TAFA2: variants seen among roughly 807,000 people sequenced by gnomAD.
The protein encoded by TAFA2 is chemokine-like protein TAFA-2.
Under a neutral mutation model 18.8 loss-of-function variants are expected in TAFA2, and 7 were observed. The observed-to-expected ratio is 0.37, with a 90% CI of 0.21 to 0.70. The LOEUF is 0.70. Among genes scored for constraint, TAFA2 ranks in the 30% least tolerant of loss-of-function variants. The pLI is 0.53. For missense variants in TAFA2, 122 were observed against 158.1 expected (o/e 0.77, Z 1.23); for synonymous variants, 60 against 54.2 (o/e 1.11, Z -0.47).
rs139533654 is a variant in TAFA2, at chr12:61,763,721, C to T, written c.107-8697G>A. ...GTCAGGTAACCCACAGAAAGCTTCG[C>T]GCATGCCTCACGGTAAAGAGGGATG... On this transcript the variant is annotated intron_variant, in intron 2 of 4. Coordinates refer to ENST00000416284, the MANE Select transcript of TAFA2 (RefSeq NM_178539.5). Among the ~76,000 whole-genome samples the T allele has an allele frequency of 5.8e-3, 886 of 151,850 alleles. 6 individuals are homozygous for T. The highest frequency in any genetic ancestry group is 0.02 in the African/African-American group (814 of 41,438).
At chr12:62,092,431 C>T (rs1868755670) in intron 1 of TAFA2, among the ~76,000 whole-genome samples, 1 of 151,934 alleles carries the variant, frequency 6.6e-6, no homozygotes, top group Non-Finnish European at 1.5e-5. Flanking sequence ...CCTGCCAAAA[C>T]CATTCCTATC....
chr12:62,108,146 C>T (rs28714406), intron 1 of TAFA2, among the ~76,000 whole-genome samples: 1 of 151,946 alleles, frequency 6.6e-6, no homozygotes, highest in African/African-American at 2.4e-5. Context: ...TAGTCCCCCA[C>T]CCCCCAACAG....
intron 1 of TAFA2, among the ~76,000 whole-genome samples, chr12:62,199,456 G>T (rs1026012902): frequency 6.6e-6 from 1 of 152,044 alleles, no homozygotes; most frequent in Non-Finnish European, 1.5e-5. Flanking sequence ...GAGAACATGC[G>T]GTGTTTGGTG....
intron 2 of TAFA2, among the ~76,000 whole-genome samples, chr12:61,768,048 A>G (rs1006280610): frequency 6.6e-6 from 1 of 152,140 alleles, no homozygotes; most frequent in African/African-American, 2.4e-5. Context: ...GTATTTCACT[A>G]CTAACCATGA....
intron 1 of TAFA2, among the ~76,000 whole-genome samples, chr12:62,202,086 T>A (rs1326807806): frequency 6.6e-6 from 1 of 152,178 alleles, no homozygotes; most frequent in Non-Finnish European, 1.5e-5. Flanking sequence ...AATGATGATA[T>A]CCCCTTTATG....
At chr12:62,013,235 G>C (rs1026212320) in intron 1 of TAFA2, among the ~76,000 whole-genome samples, 1 of 152,152 alleles carries the variant, frequency 6.6e-6, no homozygotes, top group Admixed American at 6.5e-5. Flanking sequence ...TTTAAGCTTT[G>C]TAGCTTACAA....
At chr12:61,930,999 A>G (rs1877531355) in intron 1 of TAFA2, among the ~76,000 whole-genome samples, 1 of 152,222 alleles carries the variant, frequency 6.6e-6, no homozygotes, top group African/African-American at 2.4e-5. Flanking sequence ...TGGTTTCATA[A>G]AATAAATGAC....
chr12:62,122,819 G>A (rs543253433), intron 1 of TAFA2, among the ~76,000 whole-genome samples: 12 of 152,204 alleles, frequency 7.9e-5, no homozygotes, highest in South Asian at 2.1e-4. Flanking sequence ...GAACTGCACC[G>A]CATAGGGGTA....
upstream of TAFA2, among the ~76,000 whole-genome samples, chr12:62,196,709 G>A (rs923949134): frequency 2.8e-4 from 42 of 152,042 alleles, no homozygotes; most frequent in East Asian, 1.2e-3. Flanking sequence ...ATCACAGACC[G>A]CCATAACAGA....
At chr12:61,926,792 G>C (rs1441669996) in intron 1 of TAFA2, among the ~76,000 whole-genome samples, 1 of 151,920 alleles carries the variant, frequency 6.6e-6, no homozygotes, top group African/African-American at 2.4e-5. Context: ...GGCACAAGAG[G>C]GCAGGTGCAG....
chr12:61,828,770 AC>A (rs376792772), intron 2 of TAFA2, among the ~76,000 whole-genome samples: 1 of 151,968 alleles, frequency 6.6e-6, no homozygotes, highest in African/African-American at 2.4e-5. Flanking sequence ...TCATGAAGTC[AC>A]CAAATACATA....
intron 1 of TAFA2, among the ~76,000 whole-genome samples, chr12:62,215,909 T>C (rs1301313707): frequency 6.6e-6 from 1 of 152,134 alleles, no homozygotes; most frequent in African/African-American, 2.4e-5. Context: ...TTTATAAGAA[T>C]TGCTATTTGT....
At chr12:61,808,321 G>A (rs1423157026) in intron 2 of TAFA2, among the ~76,000 whole-genome samples, 3 of 151,450 alleles carry the variant, frequency 2.0e-5, no homozygotes, top group Non-Finnish European at 4.4e-5. Context: ...TGATTATGAG[G>A]CCTCCGCACC....
chr12:61,758,838 T>C (rs769281802), intron 2 of TAFA2, among the ~76,000 whole-genome samples: 34 of 151,994 alleles, frequency 2.2e-4, no homozygotes, highest in Non-Finnish European at 5.0e-4. Flanking sequence ...GAACCAGGGA[T>C]GTGAGTCATG....
intron 1 of TAFA2, chr12:61,880,219 C>A: frequency 6.1e-6 from 3 of 495,542 alleles, no homozygotes; most frequent in African/African-American, 1.9e-5. Flanking sequence ...ACGGGGATAA[C>A]CTGAGGTGTA....
In TAFA2 at chr12:61,776,022, T is replaced by C. The variant is rs1870246824; in HGVS notation, c.107-20998A>G. 3 of 365,556 alleles carry C rather than the reference T, an allele frequency of 8.2e-6. No homozygotes were observed. In the Admixed American group the frequency reaches 8.5e-5, roughly 10 times the overall value. 22.6% of individuals were successfully genotyped at this position (365,556 alleles called of 1,614,324 possible). On this transcript the variant is annotated intron_variant, in intron 2 of 4. Coordinates refer to ENST00000416284, the MANE Select transcript of TAFA2 (RefSeq NM_178539.5). ...TCCTTTGACCACACACATGCGAATC[T>C]ATAAGAAAGGTGATATTGTAGACAT...
Position 62,039,727 on chromosome 12 carries a change from A to C in TAFA2, c.-2+151532T>G, listed in dbSNP as rs532677508. On this transcript the variant is annotated intron_variant, in intron 1 of 4. Transcript: ENST00000416284. ...GCATGAACAATCCTGAGATGCATAT[A>C]CACTTGCACAATCAACTTACAAGCT... Among the ~76,000 whole-genome samples, 7 of 152,326 alleles carry C rather than the reference A, an allele frequency of 4.6e-5. No homozygotes were observed. The South Asian group carries it at 1.4e-3, about 32-fold the overall frequency.
At chr12:61,959,010 C>T (rs1171696532) in intron 1 of TAFA2, among the ~76,000 whole-genome samples, 2 of 151,850 alleles carry the variant, frequency 1.3e-5, no homozygotes, top group African/African-American at 4.8e-5. Flanking sequence ...AATATGAATT[C>T]ATTATATTTA....
chr12:61,940,689 G>C (rs535901357), intron 1 of TAFA2, among the ~76,000 whole-genome samples: 21 of 152,320 alleles, frequency 1.4e-4, no homozygotes, highest in African/African-American at 5.1e-4. Flanking sequence ...TCTACGCAGA[G>C]GTGCAGGTGA....
Sources: gnomAD v4.1 joint callset for allele counts (sites outside exome capture counted in the v4.1 genomes callset) on GRCh38, gnomAD v4.1.1 for gene constraint, MANE v1.5 for transcripts, NCBI Gene and HGNC (gene_info 2026-07-23, HGNC 2026-07-21) for gene names.